The following AGBL1 variants were observed in gnomAD, a reference collection of about 807,000 sequenced individuals.
The protein encoded by AGBL1 is cytosolic carboxypeptidase 4.
In AGBL1, 130 loss-of-function variants were observed where a neutral mutation model predicts 118.9. The observed-to-expected ratio is 1.09, with a 90% confidence interval of 0.95 to 1.26. The LOEUF is 1.26. AGBL1 is among the 50% of genes most tolerant of loss of function. The pLI is 0.00. For missense variants in AGBL1, 1,584 were observed against 1,298.1 expected (o/e 1.22, Z -3.38); for synonymous variants, 555 against 478.9 (o/e 1.16, Z -2.08).
intron 21 of AGBL1, among the ~76,000 whole-genome samples, chr15:86,670,626 C>CACACACACACACACACAA (rs2085727675): frequency 2.1e-5 from 2 of 95,766 alleles, no homozygotes; most frequent in African/African-American, 8.0e-5. Context: ...CACACACACA[C>CACACACACACACACACAA]AAACACGCTG....
intron 24 of AGBL1, among the ~76,000 whole-genome samples, chr15:87,013,945 T>C (rs2081585796): frequency 1.3e-5 from 2 of 152,178 alleles, no homozygotes; most frequent in Non-Finnish European, 2.9e-5. Context: ...TCCTTCTACA[T>C]CTTAGTGATC....
At position 86,891,053 on chromosome 15, in the gene AGBL1, T is replaced by C. The variant is rs565504834; in HGVS notation, c.3159-16034T>C. ...AACATGAAATGTTTTTTCATTTGTT[T>C]GTGTCCTTTCTGATTTCCTTGAGCA... On this transcript the variant is annotated intron_variant, in intron 22 of 22. Coordinates refer to ENST00000614907, the MANE Select transcript of AGBL1 (RefSeq NM_001386094.1). 1.1e-4 allele frequency among the ~76,000 whole-genome samples: 16 copies of C among 152,326 alleles called. No homozygotes were observed. In the South Asian group the frequency reaches 3.3e-3, roughly 32 times the overall value.
chr15:86,862,702 A>G (rs1227313749), intron 22 of AGBL1, among the ~76,000 whole-genome samples: 1 of 152,258 alleles, frequency 6.6e-6, no homozygotes, highest in African/African-American at 2.4e-5. Context: ...CCTGGTTGAC[A>G]GAACGAGACT....
chr15:86,258,889 TA>T (rs2142018907), intron 9 of AGBL1, among the ~76,000 whole-genome samples: 1 of 152,264 alleles, frequency 6.6e-6, no homozygotes, highest in Non-Finnish European at 1.5e-5. Context: ...GTATTTTTAG[TA>T]GAAACAGGAT....
At chr15:86,535,140 G>A (rs866359480) in intron 19 of AGBL1, among the ~76,000 whole-genome samples, 17 of 152,210 alleles carry the variant, frequency 1.1e-4, no homozygotes, top group African/African-American at 3.9e-4. Flanking sequence ...TGTGAGCCAA[G>A]GAAAACAGTT....
chr15:86,925,177 G>C (rs370929937), intron 23 of AGBL1, among the ~76,000 whole-genome samples: 76,513 of 124,678 alleles, frequency 0.61, 23,080 homozygotes, highest in South Asian at 0.7. Context: ...GGAAGAGGAA[G>C]AGGAAGAGGA....
At chr15:86,864,756 C>A (rs1423400610) in intron 22 of AGBL1, among the ~76,000 whole-genome samples, 1 of 152,122 alleles carries the variant, frequency 6.6e-6, no homozygotes, top group African/African-American at 2.4e-5. Flanking sequence ...GTTCAAAGAG[C>A]CTACCAGGAG....
chr15:86,860,081 C>T (rs757703958), intron 22 of AGBL1, among the ~76,000 whole-genome samples: 3 of 152,056 alleles, frequency 2.0e-5, no homozygotes, highest in East Asian at 1.9e-4. Flanking sequence ...GATTTTGGGG[C>T]GGAATATCTC....
chr15:86,197,343 G>A (rs142268624), intron 5 of AGBL1, among the ~76,000 whole-genome samples: 12 of 152,308 alleles, frequency 7.9e-5, no homozygotes, highest in Admixed American at 2.6e-4. Context: ...TAAGTGCAGC[G>A]CGATGGAAAG....
rs367731940 is a variant in AGBL1 at position 86,680,182 on chromosome 15, T to C, written c.3158+5746T>C. 2.5e-4 allele frequency among the ~76,000 whole-genome samples: 38 copies of C among 152,342 alleles called. 1 individual carries two copies. In the East Asian group the frequency reaches 5.6e-3, roughly 22 times the overall value. ...AAATTGTCTTATAATCATATTCAGA[T>C]CATTTTAAAATTCAACTTTGTGTTT... On this transcript the variant is annotated intron_variant, in intron 22 of 22. Coordinates refer to ENST00000614907, the MANE Select transcript of AGBL1 (RefSeq NM_001386094.1).
At chr15:86,377,097 G>T (rs904719068) in intron 17 of AGBL1, among the ~76,000 whole-genome samples, 3 of 152,224 alleles carry the variant, frequency 2.0e-5, no homozygotes, top group African/African-American at 7.2e-5. Flanking sequence ...TGGGCCTAAT[G>T]GTGCAGAACC....
chr15:86,299,439 G>A (rs1483767362), intron 17 of AGBL1, among the ~76,000 whole-genome samples: 1 of 152,152 alleles, frequency 6.6e-6, no homozygotes, highest in African/African-American at 2.4e-5. Flanking sequence ...CTAACTAGTA[G>A]GATTTGGGAT....
chr15:86,265,613 C>G (rs1300064602), intron 11 of AGBL1, among the ~76,000 whole-genome samples: 1 of 152,212 alleles, frequency 6.6e-6, no homozygotes, highest in Non-Finnish European at 1.5e-5. Context: ...CCAAACTGCT[C>G]CCACTTGGGG....
intron 18 of AGBL1, among the ~76,000 whole-genome samples, chr15:86,516,390 T>C (rs1023101499): frequency 6.6e-6 from 1 of 152,364 alleles, no homozygotes; most frequent in East Asian, 1.9e-4. Flanking sequence ...TATATTTTCC[T>C]TTCAGTCTGG....
intron 24 of AGBL1, among the ~76,000 whole-genome samples, chr15:87,028,100 G>A (rs970019566): frequency 5.3e-5 from 8 of 151,560 alleles, no homozygotes; most frequent in African/African-American, 1.9e-4. Context: ...AAAAAGGAAA[G>A]TCTCCATTTC....
intron 6 of AGBL1, among the ~76,000 whole-genome samples, chr15:86,232,602 G>C (rs2141953141): frequency 6.6e-6 from 1 of 152,282 alleles, no homozygotes; most frequent in South Asian, 2.1e-4. Flanking sequence ...ACAGCCGATG[G>C]AATTTGTTGC....
At chr15:86,424,675 C>T (rs920190838) in intron 18 of AGBL1, among the ~76,000 whole-genome samples, 5 of 152,162 alleles carry the variant, frequency 3.3e-5, no homozygotes, top group South Asian at 4.1e-4. Context: ...CTACAAGGAA[C>T]TTAAACAAAT....
At chr15:86,619,574 CG>C (rs1567086432) in intron 21 of AGBL1, among the ~76,000 whole-genome samples, 5 of 152,092 alleles carry the variant, frequency 3.3e-5, no homozygotes, top group African/African-American at 7.2e-5. Flanking sequence ...GGTAATTAGA[CG>C]CTGCTGGTCA....
At chr15:86,382,797 A>G (rs1196102345) in intron 17 of AGBL1, among the ~76,000 whole-genome samples, 1 of 152,164 alleles carries the variant, frequency 6.6e-6, no homozygotes, top group Non-Finnish European at 1.5e-5. Flanking sequence ...TTAAATTAAC[A>G]TAAGCCCATA....
Sources: gnomAD v4.1 joint callset for allele counts (sites outside exome capture counted in the v4.1 genomes callset) on GRCh38, gnomAD v4.1.1 for gene constraint, MANE v1.5 for transcripts, NCBI Gene and HGNC (gene_info 2026-07-23, HGNC 2026-07-21) for gene names.